The following EPB41L2 variants were observed in gnomAD, a reference collection of about 807,000 sequenced individuals.
EPB41L2 encodes band 4.1-like protein 2.
EPB41L2 carries 43 observed loss-of-function variants against 113.0 expected under a neutral mutation model. The observed-to-expected ratio is 0.38, with a 90% confidence interval of 0.30 to 0.49. The LOEUF (loss-of-function observed/expected upper bound fraction) is 0.49, where lower values mean the gene tolerates loss of function less well. EPB41L2 is among the 20% of genes least tolerant of loss of function. The probability of loss-of-function intolerance (pLI) is 0.95; values close to 1 mark genes in which losing one functional copy is unlikely to be tolerated. For missense variants in EPB41L2, 1,147 were observed against 1,223.4 expected (o/e 0.94, Z 0.93); for synonymous variants, 442 against 436.7 (o/e 1.01, Z -0.15).
At chr6:130,957,134 A>G (rs1817696747) in intron 1 of EPB41L2, among the ~76,000 whole-genome samples, 1 of 152,168 alleles carries the variant, frequency 6.6e-6, no homozygotes, top group Admixed American at 6.5e-5. Flanking sequence ...AAGGTACTCA[A>G]ATTCTAATCA....
chr6:130,996,715 T>C (rs1469923963), intron 1 of EPB41L2, among the ~76,000 whole-genome samples: 9 of 152,222 alleles, frequency 5.9e-5, no homozygotes, highest in Admixed American at 5.9e-4. Flanking sequence ...TTTAAAAGGA[T>C]AATGCTGTTG....
chr6:130,926,615 G>T lies in EPB41L2; in HGVS notation c.800C>A (p.Pro267His). The change falls in exon 4 of 20, where the codon CCT becomes CAT. Residue 267 changes from proline to histidine, a missense_variant. Transcript: ENST00000337057. Reference protein sequence around the residue: ...DYFGLLFQESPEQKNWLDPAK... With the variant: ...DYFGLLFQESHEQKNWLDPAK... ...CTTGAAATCACTTACTTTCTGCTCAGGGCTTTCCTGAAACAAAAGTCCAAA... is the reference window on the plus strand; with the variant it reads ...CTTGAAATCACTTACTTTCTGCTCATGGCTTTCCTGAAACAAAAGTCCAAA... 1 of 1,601,666 alleles carries T rather than the reference G, an allele frequency of 6.2e-7. No individual in the cohort carries two copies. The highest frequency in any genetic ancestry group is 8.5e-7 in the Non-Finnish European group (1 of 1,174,694).
intron 1 of EPB41L2, chr6:131,015,368 TTTC>T (rs1787966164): frequency 6.6e-6 from 1 of 152,302 alleles, no homozygotes; most frequent in Non-Finnish European, 1.5e-5. Context: ...AAAACAGAGA[TTTC>T]TTGAGTTAAT....
intron 5 of EPB41L2, among the ~76,000 whole-genome samples, chr6:130,906,882 T>C (rs976897558): frequency 2.0e-5 from 3 of 152,214 alleles, no homozygotes; most frequent in Non-Finnish European, 4.4e-5. Flanking sequence ...CAGGATGCCA[T>C]TTAAAGAACT....
chr6:130,892,275 G>C (rs995620327), intron 10 of EPB41L2, among the ~76,000 whole-genome samples: 1 of 151,208 alleles, frequency 6.6e-6, no homozygotes, highest in Non-Finnish European at 1.5e-5. Context: ...CACAGGCACC[G>C]ATCTCTAAGC....
At chr6:130,846,599 T>A (rs1174849254) in intron 19 of EPB41L2, among the ~76,000 whole-genome samples, 6 of 152,224 alleles carry the variant, frequency 3.9e-5, no homozygotes, top group African/African-American at 1.4e-4. Flanking sequence ...AAAATGCTTT[T>A]GCTTTTCCTG....
intron 3 of EPB41L2, among the ~76,000 whole-genome samples, chr6:130,941,254 C>A (rs568118408): frequency 6.6e-6 from 1 of 151,930 alleles, no homozygotes; most frequent in Non-Finnish European, 1.5e-5. Flanking sequence ...AAATGAAAAC[C>A]CAGGATTTTT....
chr6:131,015,167 AC>A (rs1787914908), intron 1 of EPB41L2: 1 of 152,226 alleles, frequency 6.6e-6, no homozygotes. Context: ...AAGAGATTTC[AC>A]ATTATTGTTT....
chr6:130,883,400 C>A (rs1413097563), intron 12 of EPB41L2, among the ~76,000 whole-genome samples: 1 of 152,128 alleles, frequency 6.6e-6, no homozygotes, highest in Admixed American at 6.5e-5. Context: ...ATACATATGA[C>A]TCATTTAATT....
chr6:130,945,451 G>C (rs931814170), intron 3 of EPB41L2, among the ~76,000 whole-genome samples: 3 of 152,084 alleles, frequency 2.0e-5, no homozygotes. Flanking sequence ...AGAAAAAACG[G>C]TACTGACATT....
At chr6:130,859,519 A>AG (rs1359208881) in intron 18 of EPB41L2, among the ~76,000 whole-genome samples, 1 of 151,998 alleles carries the variant, frequency 6.6e-6, no homozygotes, top group East Asian at 1.9e-4. Flanking sequence ...TCAAAAAAAA[A>AG]AAAAAAAGTC....
chr6:130,967,782 A>T (rs1775685150), intron 1 of EPB41L2, among the ~76,000 whole-genome samples: 1 of 152,216 alleles, frequency 6.6e-6, no homozygotes, highest in Non-Finnish European at 1.5e-5. Context: ...GTGCAGATAA[A>T]ACAACTACAT....
chr6:130,938,568 G>A (rs1809698026), intron 3 of EPB41L2, among the ~76,000 whole-genome samples: 1 of 152,128 alleles, frequency 6.6e-6, no homozygotes, highest in Non-Finnish European at 1.5e-5. Context: ...GCAGCTTTGG[G>A]TGAACATGGC....
intron 3 of EPB41L2, among the ~76,000 whole-genome samples, chr6:130,941,367 G>A (rs1379478832): frequency 6.6e-6 from 1 of 152,196 alleles, no homozygotes; most frequent in Non-Finnish European, 1.5e-5. Flanking sequence ...ATAACTGTTA[G>A]ATAATAAAGA....
chr6:130,934,780 CCTTT>C (rs1231136098), intron 3 of EPB41L2, among the ~76,000 whole-genome samples: 2 of 149,084 alleles, frequency 1.3e-5, no homozygotes, highest in Non-Finnish European at 3.0e-5. Context: ...AGCACCCGTC[CCTTT>C]CTTTTTGTTT....
intron 1 of EPB41L2, among the ~76,000 whole-genome samples, chr6:131,044,018 GCT>G (rs1794941475): frequency 2.4e-5 from 3 of 127,012 alleles, no homozygotes; most frequent in African/African-American, 1.0e-4. Context: ...TCTAAATAAT[GCT>G]TTTTTTTTTT....
intron 19 of EPB41L2, among the ~76,000 whole-genome samples, chr6:130,855,864 C>G (rs1780066654): frequency 6.6e-6 from 1 of 151,176 alleles, no homozygotes; most frequent in Non-Finnish European, 1.5e-5. Context: ...AAAAAGAACA[C>G]TATCGGTGGT....
At chr6:130,892,773 A>G (rs1793401330) in intron 10 of EPB41L2, among the ~76,000 whole-genome samples, 1 of 152,214 alleles carries the variant, frequency 6.6e-6, no homozygotes, top group African/African-American at 2.4e-5. Context: ...GATAAATTTT[A>G]TGATATGCCA....
At chr6:130,871,431 C>T (rs1785632003) in intron 14 of EPB41L2, among the ~76,000 whole-genome samples, 1 of 152,144 alleles carries the variant, frequency 6.6e-6, no homozygotes. Flanking sequence ...CACCACTGAG[C>T]CCTCTGGATA....
Sources: gnomAD v4.1 joint callset for allele counts (sites outside exome capture counted in the v4.1 genomes callset) on GRCh38, gnomAD v4.1.1 for gene constraint, MANE v1.5 for transcripts, NCBI Gene and HGNC (gene_info 2026-07-23, HGNC 2026-07-21) for gene names.